Variants in SAT1 observed in about 807,000 individuals in gnomAD.
SAT1 encodes spermidine/spermine N1-acetyltransferase 1.
In SAT1, 1 loss-of-function variant was observed where a neutral mutation model predicts 14.7. The ratio of observed to expected loss-of-function variants is 0.07; its 90% confidence interval spans 0.02 to 0.32. SAT1 has a LOEUF of 0.32. SAT1 is among the 10% of genes least tolerant of loss of function. The pLI is 1.00. For synonymous variants in SAT1, 67 were observed against 46.1 expected (o/e 1.45, Z -1.84); for missense variants, 77 against 129.1 (o/e 0.60, Z 1.96).
At chrX:23,785,187 T>C (rs1481079595) in intron 3 of SAT1, 141 bp from the exon 4 acceptor site, 1 of 499,775 alleles carries the variant, frequency 2.0e-6, no homozygotes, top group Non-Finnish European at 3.5e-6. Flanking sequence ...CACATAAAAA[T>C]CATGAGACAG....
Position 23,786,027 on chromosome X carries a change from C to G in SAT1, c.*171C>G. On this transcript the variant is annotated 3_prime_UTR_variant, in exon 6 of 6. Coordinates refer to ENST00000379270, the MANE Select transcript of SAT1 (RefSeq NM_002970.4). ...TGAGGTCTGTTTAAAGTGGCAATCT[C>G]AGATGCAGTTTGGAGAGTCAGATCT... 2.5e-6 allele frequency: 1 copy of G among 396,790 alleles called. No homozygotes were observed. The highest frequency in any genetic ancestry group is 4.3e-6 in the Non-Finnish European group (1 of 231,332). The allele number at this position is 396,790 out of a possible 1,213,427, so 32.7% of individuals were successfully genotyped here.
At chrX:23,784,331 C>T (rs1362761063) in intron 3 of SAT1, 11 of 834,263 alleles carry the variant, frequency 1.3e-5, no homozygotes, top group South Asian at 5.8e-5. Flanking sequence ...ATGGCCCTTC[C>T]GTGTACATGG....
At position 23,783,579 on chromosome X, in the gene SAT1, C is replaced by G. The variant is rs1048226746; in HGVS notation, c.67-79C>G. ...CGGCCGCCACCCCGCCCGCCCGCCC[C>G]ATTCCGTTCCCCTGAGCTGGCCGGG... On this transcript the variant is annotated intron_variant, in intron 1 of 5. Transcript: ENST00000379270. 28 of 768,074 alleles carry G rather than the reference C, an allele frequency of 3.6e-5. No individual in the cohort carries two copies. In the East Asian group the frequency reaches 9.7e-4, roughly 27 times the overall value. The allele number at this position is 768,074 out of a possible 1,213,427, so 63.3% of individuals were successfully genotyped here. A position where few individuals can be genotyped will look rare whatever the true frequency, so the allele number is the denominator to read the frequency against.
Position 23,785,307 on chromosome X carries a change from CAT to C in SAT1, c.203-20_203-19del. 3 of 1,106,706 alleles carry C rather than the reference CAT, an allele frequency of 2.7e-6. No individual in the cohort carries two copies. Among genetic ancestry groups the C allele is most frequent in the Non-Finnish European group, 3.8e-6 (3 of 799,702 alleles). 91.2% of individuals were successfully genotyped at this position (1,106,706 alleles called of 1,213,427 possible). On this transcript the variant is annotated intron_variant, in intron 3 of 5. Transcript: ENST00000379270. ...TGGAATGTTTTCCTTCTCCACATCT[CAT>C]GTGATGCTCTTATTACAGGACACAG...
intron 1 of SAT1, 62 bp downstream of exon 1, chrX:23,783,479 G>T: frequency 9.6e-7 from 1 of 1,046,339 alleles, no homozygotes. Flanking sequence ...TTCCCAGAGT[G>T]GGGTGATTCA....
chrX:23,784,535 A>G (rs190250383), intron 3 of SAT1: 24 of 111,328 alleles, frequency 2.2e-4, no homozygotes, highest in Non-Finnish European at 3.4e-4. Flanking sequence ...TCCATTTGGA[A>G]TAGTAGACAC....
rs145618629 is a variant in SAT1 at position 23,785,314 on chromosome X, T to C, written c.203-14T>C. 5.0e-4 allele frequency: 574 copies of C among 1,138,524 alleles called. 1 individual carries two copies. The highest frequency in any genetic ancestry group is 4.9e-4 in the Non-Finnish European group (409 of 829,853). 93.8% of individuals were successfully genotyped at this position (1,138,524 alleles called of 1,213,427 possible). ...TTTTCCTTCTCCACATCTCATGTGA[T>C]GCTCTTATTACAGGACACAGCATTG... On this transcript the variant is annotated splice_polypyrimidine_tract_variant and intron_variant, in intron 3 of 5. Coordinates refer to ENST00000379270, the MANE Select transcript of SAT1 (RefSeq NM_002970.4).
rs942519644 is a variant in SAT1, at chrX:23,784,065, C to G, written c.202+182C>G. 5 of 1,112,691 alleles carry G rather than the reference C, an allele frequency of 4.5e-6. No homozygotes were observed. In the African/African-American group the frequency reaches 7.5e-5, roughly 17 times the overall value. 91.7% of individuals were successfully genotyped at this position (1,112,691 alleles called of 1,213,427 possible). A position where few individuals can be genotyped will look rare whatever the true frequency, so the allele number is the denominator to read the frequency against. On this transcript the variant is annotated intron_variant, in intron 3 of 5. Transcript: ENST00000379270. ...ATTAGATATGCTGCACTTAAGAATACTAGGGCAGGTTAAAAGAGCTGTTTA... is the reference window on the plus strand; with the variant it reads ...ATTAGATATGCTGCACTTAAGAATAGTAGGGCAGGTTAAAAGAGCTGTTTA...
At chrX:23,783,991 G>A (rs1569213828) in intron 3 of SAT1, 108 bp downstream of exon 3, 5 of 1,181,729 alleles carry the variant, frequency 4.2e-6, no homozygotes, top group Non-Finnish European at 5.7e-6. Flanking sequence ...TGAGAACTTG[G>A]ACAGAAAAAA....
chrX:23,785,944 A>G lies in SAT1; in HGVS notation c.*88A>G, dbSNP rs1386560429. 3 of 815,936 alleles carry G rather than the reference A, an allele frequency of 3.7e-6. No individual in the cohort carries two copies. Among genetic ancestry groups the G allele is most frequent in the East Asian group, 3.4e-5 (1 of 29,583 alleles). 67.2% of individuals were successfully genotyped at this position (815,936 alleles called of 1,213,427 possible). ...TTTCTATGCTGTTTGTAGTGAAATA[A>G]TAGAATGAGCACCCATTCCAAAGCT... is the stretch of plus-strand genomic sequence containing the variant. On this transcript the variant is annotated 3_prime_UTR_variant, in exon 6 of 6. Coordinates refer to ENST00000379270, the MANE Select transcript of SAT1 (RefSeq NM_002970.4).
At position 23,785,932 on chromosome X, in the gene SAT1, T is replaced by G; in HGVS notation, c.*76T>G. 2 of 892,401 alleles carry G rather than the reference T, an allele frequency of 2.2e-6. No individual in the cohort carries two copies. The highest frequency in any genetic ancestry group is 3.1e-6 in the Non-Finnish European group (2 of 655,114). 73.5% of individuals were successfully genotyped at this position (892,401 alleles called of 1,213,427 possible). ...AACTTCTCTTGCTTTCTATGCTGTT[T>G]GTAGTGAAATAATAGAATGAGCACC... On this transcript the variant is annotated 3_prime_UTR_variant, in exon 6 of 6. Transcript: ENST00000379270.
In SAT1 at chrX:23,785,803, A is replaced by C. The variant is rs773639549; in HGVS notation, c.463A>C (p.Arg155=). ...TGATCTGTCCAGTGAAGAGGGTTGG[A>C]GACTGTTCAAGATCGACAAGGAGTA... The part of the protein sequence containing the change: ...ASDLSSEEGW[R]LFKIDKEYLL... Residue 155 remains arginine (R), a synonymous_variant, in exon 6 of 6, where the codon AGA becomes CGA. Transcript: ENST00000379270. The C allele has an allele frequency of 8.3e-7, 1 of 1,208,641 alleles. No homozygotes were observed. Among genetic ancestry groups the C allele is most frequent in the East Asian group, 3.0e-5 (1 of 33,862 alleles).
In SAT1 at chrX:23,785,383, C is replaced by G. The variant is rs1235940325; in HGVS notation, c.258C>G (p.Gly86=). 4.1e-6 allele frequency: 5 copies of G among 1,206,663 alleles called. No individual in the cohort carries two copies. Among genetic ancestry groups the G allele is most frequent in the Non-Finnish European group, 5.6e-6 (5 of 891,858 alleles). The change falls in exon 4 of 6, where the codon GGC becomes GGG. Residue 86 remains glycine (G), a synonymous_variant. Transcript: ENST00000379270. ...MYYFTYDPWI[G]KLLYLEDFFV... ...ATTTTACCTATGACCCGTGGATTGG[C>G]AAGTTATTGTATCTTGAGGACTTCT...
In SAT1 at chrX:23,783,590, CCT is replaced by C. The variant is rs1922588641; in HGVS notation, c.67-67_67-66del. ...CCGCCCGCCCGCCCCATTCCGTTCC[CCT>C]GAGCTGGCCGGGCCGGAGCCTCATT... On this transcript the variant is annotated intron_variant, in intron 1 of 5. Coordinates refer to ENST00000379270, the MANE Select transcript of SAT1 (RefSeq NM_002970.4). 3.1e-6 allele frequency: 3 copies of C among 961,813 alleles called. No individual in the cohort carries two copies. The South Asian group carries it at 7.2e-5, about 23-fold the overall frequency. The allele number at this position is 961,813 out of a possible 1,213,427, so 79.3% of individuals were successfully genotyped here.
chrX:23,785,472 G>A (rs762423178), intron 4 of SAT1, 43 bp downstream of exon 4: 3 of 1,173,226 alleles, frequency 2.6e-6, no homozygotes, highest in African/African-American at 3.5e-5. Flanking sequence ...AGAGTTCAGA[G>A]TTATAAATGC....
intron 3 of SAT1, 45 bp downstream of exon 3, chrX:23,783,928 G>C: frequency 8.3e-7 from 1 of 1,211,243 alleles, no homozygotes; most frequent in South Asian, 1.8e-5. Context: ...CAAGTGTTAT[G>C]TAAGAAGTAG....
chrX:23,784,526 C>T (rs1314808107), intron 3 of SAT1: 2 of 116,081 alleles, frequency 1.7e-5, no homozygotes, highest in Non-Finnish European at 3.3e-5. Flanking sequence ...ACCTTTGCCT[C>T]CATTTGGAAT....
chrX:23,783,526 G>C, intron 1 of SAT1, 109 bp downstream of exon 1: 1 of 947,588 alleles, frequency 1.1e-6, no homozygotes, highest in Non-Finnish European at 1.4e-6. Flanking sequence ...AGCCCAGCCT[G>C]TTCCCCTTTC....
Position 23,783,860 on chromosome X carries a change from C to T in SAT1, c.179C>T (p.Pro60Leu). 2 of 1,211,056 alleles carry T rather than the reference C, an allele frequency of 1.7e-6. No individual in the cohort carries two copies. The highest frequency in any genetic ancestry group is 2.2e-6 in the Non-Finnish European group (2 of 895,426). ...PFYHCLVAEV[P>L]KEHWTPEGHS... ...TACCACTGCCTGGTTGCAGAAGTGCCGAAAGAGCACTGGACTCCGGAAGGT... is the reference window on the plus strand; with the variant it reads ...TACCACTGCCTGGTTGCAGAAGTGCTGAAAGAGCACTGGACTCCGGAAGGT... The change falls in exon 3 of 6, where the codon CCG becomes CTG. Residue 60 changes from proline (P) to leucine (L), a missense_variant. Coordinates refer to ENST00000379270, the MANE Select transcript of SAT1 (RefSeq NM_002970.4).
Sources: allele counts gnomAD v4.1 joint callset, GRCh38; gene constraint gnomAD v4.1.1; transcripts MANE v1.5; gene names NCBI Gene and HGNC (gene_info 2026-07-23, HGNC 2026-07-21).